PTPN2: variants seen among roughly 807,000 people sequenced by gnomAD.
PTPN2 encodes protein tyrosine phosphatase non-receptor type 2.
In PTPN2, 19 loss-of-function variants were observed where a neutral mutation model predicts 57.3. That is an observed-to-expected ratio of 0.33 (90% CI 0.23 to 0.49). The LOEUF (loss-of-function observed/expected upper bound fraction) is 0.49. Ranked by LOEUF, PTPN2 falls within the 20% of genes least tolerant of loss-of-function variation. The pLI, the probability that PTPN2 is intolerant of heterozygous loss-of-function variation, is 0.99. For missense variants in PTPN2, 358 were observed against 501.1 expected, an observed-to-expected ratio of 0.71 and a Z score of 2.73; for synonymous variants, 153 against 164.9, an observed-to-expected ratio of 0.93 and a Z score of 0.55.
At chr18:12,867,291 C>G (rs2044027758) in intron 1 of PTPN2, among the ~76,000 whole-genome samples, 1 of 151,862 alleles carries the variant, frequency 6.6e-6, no homozygotes, top group African/African-American at 2.4e-5. Context: ...TGCACTCCAG[C>G]CTGGGTGACA....
intron 2 of PTPN2, among the ~76,000 whole-genome samples, chr18:12,850,105 TTTG>T (rs1326286341): frequency 3.9e-5 from 6 of 152,198 alleles, no homozygotes; most frequent in African/African-American, 7.2e-5. Flanking sequence ...TTTCTGCTCC[TTTG>T]TTGTTGTTAC....
At chr18:12,870,510 G>GT (rs397953218) in intron 1 of PTPN2, among the ~76,000 whole-genome samples, 11,379 of 54,376 alleles carry the variant, frequency 0.21, 2,533 homozygotes, top group South Asian at 0.44. Flanking sequence ...AAAGCGTGTT[G>GT]TTTTTTTTTT....
chr18:12,825,718 G>GC (rs1477007084), intron 5 of PTPN2, 92 bp downstream of exon 5: 1 of 1,253,970 alleles, frequency 8.0e-7, no homozygotes, highest in Non-Finnish European at 1.1e-6. Context: ...TTATCCAAAT[G>GC]CATGTGCTTA....
chr18:12,852,493 A>T (rs1259860264), intron 2 of PTPN2, among the ~76,000 whole-genome samples: 1 of 152,182 alleles, frequency 6.6e-6, no homozygotes, highest in Admixed American at 6.5e-5. Flanking sequence ...AGGTTGTAGC[A>T]GATTATGGAC....
At chr18:12,830,891 T>A in intron 4 of PTPN2, 52 bp downstream of exon 4, 1 of 1,349,320 alleles carries the variant, frequency 7.4e-7, no homozygotes, top group Non-Finnish European at 1.0e-6. Flanking sequence ...AATCTTTATA[T>A]GCTAATGATC....
intron 4 of PTPN2, among the ~76,000 whole-genome samples, chr18:12,828,032 G>C (rs1316217842): frequency 2.0e-5 from 3 of 151,996 alleles, no homozygotes; most frequent in Non-Finnish European, 4.4e-5. Context: ...AGAATTCTTT[G>C]GGTAGTGCAG....
intron 1 of PTPN2, among the ~76,000 whole-genome samples, chr18:12,860,603 A>T (rs769516545): frequency 6.6e-6 from 1 of 151,990 alleles, no homozygotes; most frequent in South Asian, 2.1e-4. Flanking sequence ...AAAGCAAAAC[A>T]AAACAAAAAT....
chr18:12,870,426 CGTATATATAT>C lies in PTPN2; in HGVS notation c.70-11182_70-11173del, dbSNP rs1367509423. 3.7e-3 allele frequency among the ~76,000 whole-genome samples: 81 copies of C among 22,050 alleles called. 5 individuals are homozygous for C. The highest frequency in any genetic ancestry group is 4.6e-3 in the Non-Finnish European group (73 of 16,032). The allele number at this position is 22,050 out of a possible 152,430, so 14.5% of individuals were successfully genotyped here. The stretch of plus-strand genomic sequence containing the variant: ...ACACGTATATATATGTATATATATA[CGTATATATAT>C]ATGTGTATATATATATATATATATA... On this transcript the variant is annotated intron_variant, in intron 1 of 8. Transcript: ENST00000309660.
At chr18:12,829,727 C>CT (rs995478892) in intron 4 of PTPN2, among the ~76,000 whole-genome samples, 16 of 151,824 alleles carry the variant, frequency 1.1e-4, no homozygotes, top group African/African-American at 3.1e-4. Flanking sequence ...AGGGAATCAA[C>CT]TTTTTTTTGG....
At chr18:12,856,180 G>T (rs1316910082) in intron 2 of PTPN2, among the ~76,000 whole-genome samples, 1 of 152,240 alleles carries the variant, frequency 6.6e-6, no homozygotes, top group Admixed American at 6.5e-5. Flanking sequence ...AGGTGGGAAG[G>T]AGAGGGTAAG....
intron 7 of PTPN2, among the ~76,000 whole-genome samples, chr18:12,808,311 A>AT (rs1426242274): frequency 1.5e-5 from 2 of 135,868 alleles, no homozygotes; most frequent in Non-Finnish European, 3.4e-5. Context: ...ACATAATAAT[A>AT]TATAATTAAA....
Position 12,817,181 on chromosome 18 carries a change from G to C in PTPN2, c.680C>G (p.Ser227Cys), listed in dbSNP as rs772643237. The C allele has an allele frequency of 6.6e-5, 107 of 1,614,062 alleles. 1 individual carries two copies. Among genetic ancestry groups the C allele is most frequent in the Non-Finnish European group, 8.6e-5 (101 of 1,180,026 alleles). The stretch of plus-strand genomic sequence containing the variant: ...CAAAACAAGACAAGTGTCTACCAGA[G>C]AGAAGGTGCCAGAGCGCCCAATGCC... ...SAGIGRSGTF[S>C]LVDTCLVLME... Residue 227 changes from serine (S) to cysteine (C), a missense_variant, in exon 6 of 9, where the codon TCT becomes TGT. By Grantham distance (112) the Ser-to-Cys change is moderately radical. Transcript: ENST00000309660.
intron 2 of PTPN2, chr18:12,839,574 G>A (rs1001491404): frequency 3.3e-5 from 5 of 152,170 alleles, no homozygotes; most frequent in Non-Finnish European, 4.4e-5. Flanking sequence ...AATGAAGATA[G>A]TTCAAACTCT....
intron 2 of PTPN2, among the ~76,000 whole-genome samples, chr18:12,850,556 C>G (rs892599027): frequency 6.6e-6 from 1 of 151,902 alleles, no homozygotes; most frequent in African/African-American, 2.4e-5. Flanking sequence ...ACTGTTTTAG[C>G]TCCTTTACAC....
chr18:12,870,460 TATAGAGAGAG>T (rs1350543970), intron 1 of PTPN2, among the ~76,000 whole-genome samples: 6 of 24,104 alleles, frequency 2.5e-4, no homozygotes, highest in Admixed American at 7.4e-4. Context: ...TATATATATA[TATAGAGAGAG>T]AGAGAGAGAG....
chr18:12,827,328 G>C (rs1172256739), intron 4 of PTPN2, among the ~76,000 whole-genome samples: 1 of 144,180 alleles, frequency 6.9e-6, no homozygotes, highest in Non-Finnish European at 1.5e-5. Flanking sequence ...GGGCGACAGA[G>C]CGAGACTCCG....
At chr18:12,881,255 C>A (rs974126098) in intron 1 of PTPN2, among the ~76,000 whole-genome samples, 1 of 152,026 alleles carries the variant, frequency 6.6e-6, no homozygotes, top group East Asian at 1.9e-4. Context: ...GCCAACATGT[C>A]GAAACCCTGT....
chr18:12,808,380 A>C (rs2041766847), intron 7 of PTPN2, among the ~76,000 whole-genome samples: 1 of 152,232 alleles, frequency 6.6e-6, no homozygotes, highest in Non-Finnish European at 1.5e-5. Context: ...CAAAGAAAAG[A>C]TAAATGTATG....
intron 2 of PTPN2, 30 bp downstream of exon 2, chr18:12,859,134 A>T: frequency 1.3e-6 from 2 of 1,566,008 alleles, no homozygotes; most frequent in Non-Finnish European, 1.8e-6. Flanking sequence ...ACCAAAAAAT[A>T]CACATGCACA....
Sources: allele counts gnomAD v4.1 joint callset (sites outside exome capture counted in the v4.1 genomes callset), GRCh38; gene constraint gnomAD v4.1.1; transcripts MANE v1.5; gene names NCBI Gene and HGNC (gene_info 2026-07-23, HGNC 2026-07-21).